BEND6: variants seen among roughly 807,000 people sequenced by gnomAD.
BEND6 encodes the protein BEN domain-containing protein 6.
BEND6 carries 24 observed loss-of-function variants against 31.8 expected under a neutral mutation model. The observed-to-expected ratio is 0.75, with a 90% confidence interval of 0.55 to 1.06. The LOEUF is 1.06. Among genes scored for constraint, BEND6 ranks in the 50% least tolerant of loss-of-function variants. The pLI, the probability that BEND6 is intolerant of heterozygous loss-of-function variation, is 0.00. For missense variants in BEND6, 294 were observed against 327.4 expected, an observed-to-expected ratio of 0.90 and a Z score of 0.79; for synonymous variants, 109 against 114.6, an observed-to-expected ratio of 0.95 and a Z score of 0.31.
At chr6:57,004,599 TC>T in intron 3 of BEND6, 1 of 1,010,104 alleles carries the variant, frequency 9.9e-7, no homozygotes, top group Non-Finnish European at 1.6e-6. Flanking sequence ...AACATCAACC[TC>T]CAGATCAACC....
chr6:56,970,180 A>G (rs1189051768), intron 1 of BEND6, among the ~76,000 whole-genome samples: 2 of 152,028 alleles, frequency 1.3e-5, no homozygotes, highest in Non-Finnish European at 2.9e-5. Context: ...GGCTTATATT[A>G]TTCCTCCAAC....
At position 56,981,769 on chromosome 6, in the gene BEND6, A is replaced by G; in HGVS notation, c.-42A>G. The G allele has an allele frequency of 6.2e-7, 1 of 1,605,674 alleles. No individual in the cohort carries two copies. The highest frequency in any genetic ancestry group is 1.1e-5 in the South Asian group (1 of 89,932). ...AGCATCATCTTCATGGGTATTCCCT[A>G]CTCCTAGGATTTCAGAAAACCTTTG... On this transcript the variant is annotated 5_prime_UTR_variant, in exon 2 of 7. Transcript: ENST00000370746.
intron 3 of BEND6, among the ~76,000 whole-genome samples, chr6:56,995,194 T>C (rs985138403): frequency 4.0e-5 from 6 of 151,688 alleles, no homozygotes. Context: ...TTCCCATTAG[T>C]ATCAAACATA....
At position 56,988,901 on chromosome 6, in the gene BEND6, C is replaced by T. The variant is rs962936637; in HGVS notation, c.121-3477C>T. Among the ~76,000 whole-genome samples the T allele has an allele frequency of 9.2e-5, 14 of 152,090 alleles. No homozygotes were observed. In the East Asian group the frequency reaches 2.3e-3, roughly 25 times the overall value. On this transcript the variant is annotated intron_variant, in intron 2 of 6. Coordinates refer to ENST00000370746, the MANE Select transcript of BEND6 (RefSeq NM_152731.3). ...AAAAAATTAGCTGGGCATGCTGGCGCGTGCCTGAAATCCCAGCTACTCAAG... is the reference window on the plus strand; with the variant it reads ...AAAAAATTAGCTGGGCATGCTGGCGTGTGCCTGAAATCCCAGCTACTCAAG...
intron 1 of BEND6, among the ~76,000 whole-genome samples, chr6:56,969,547 T>C (rs773645103): frequency 1.6e-4 from 24 of 152,330 alleles, no homozygotes; most frequent in Non-Finnish European, 2.5e-4. Flanking sequence ...AACTGATATA[T>C]GTATAAAGCA....
intron 6 of BEND6, among the ~76,000 whole-genome samples, chr6:57,019,614 C>G (rs772033387): frequency 5.9e-5 from 9 of 152,144 alleles, no homozygotes; most frequent in Non-Finnish European, 1.3e-4. Context: ...TACTGACTAC[C>G]ACTCCCATCC....
chr6:57,021,858 G>A (rs1220007568), intron 6 of BEND6, among the ~76,000 whole-genome samples: 1 of 152,130 alleles, frequency 6.6e-6, no homozygotes, highest in Non-Finnish European at 1.5e-5. Flanking sequence ...GGAGAGGGAG[G>A]TGTGATTTAG....
In BEND6 at chr6:56,992,528, C is replaced by G. The variant is rs1826545372; in HGVS notation, c.271C>G (p.Leu91Val). ...LTNTRKENSRLRQSLVMLQVL... is the reference protein window; with the variant it reads ...LTNTRKENSRVRQSLVMLQVL... ...AAACACCCGGAAAGAAAACAGCCGA[C>G]TTCGACAGTCTTTGGTCATGCTTCA... Residue 91 changes from leucine to valine, a missense_variant, in exon 3 of 7, where the codon CTT (leucine) becomes GTT (valine). Leu to Val is a conservative substitution (Grantham distance 32). Transcript: ENST00000370746. 1 of 1,613,440 alleles carries G rather than the reference C, an allele frequency of 6.2e-7. No homozygotes were observed.
At chr6:56,975,640 G>T in intron 1 of BEND6, 2 of 383,990 alleles carry the variant, frequency 5.2e-6, no homozygotes, top group South Asian at 5.1e-5. Context: ...TCATTCTCAT[G>T]AAAACTCTAG....
intron 3 of BEND6, chr6:57,014,022 A>C (rs1353772810): frequency 6.6e-6 from 1 of 152,554 alleles, no homozygotes; most frequent in African/African-American, 2.4e-5. Context: ...TGGAAATGGC[A>C]GGTAAAGATA....
At chr6:56,970,296 G>A (rs1012406955) in intron 1 of BEND6, among the ~76,000 whole-genome samples, 9 of 151,938 alleles carry the variant, frequency 5.9e-5, no homozygotes, top group African/African-American at 2.2e-4. Flanking sequence ...CCAGGTTCAA[G>A]CCATTCTTAT....
Position 57,011,601 on chromosome 6 carries a change from C to A in BEND6, c.299-3532C>A, listed in dbSNP as rs184693305. ...GGCACAGTGGTGCACACCCGTAGAC[C>A]CAGCTACTTGGGAGACTGCGGTGGG... On this transcript the variant is annotated intron_variant, in intron 3 of 6. Transcript: ENST00000370746. Among the ~76,000 whole-genome samples, 25 of 149,846 alleles carry A rather than the reference C, an allele frequency of 1.7e-4. No individual in the cohort carries two copies. In the East Asian group the frequency reaches 4.7e-3, roughly 28 times the overall value.
intron 2 of BEND6, among the ~76,000 whole-genome samples, chr6:56,989,559 TTTACA>T (rs1826414974): frequency 6.6e-6 from 1 of 152,244 alleles, no homozygotes. Flanking sequence ...GTTCTGCCAA[TTTACA>T]TTCCCACCAG....
chr6:56,972,399 C>T (rs1455968021), intron 1 of BEND6, among the ~76,000 whole-genome samples: 3 of 151,970 alleles, frequency 2.0e-5, no homozygotes, highest in Non-Finnish European at 4.4e-5. Context: ...CCAGCCACCG[C>T]ATGTTTCCTT....
intron 3 of BEND6, chr6:57,014,060 T>TTC (rs1218687254): frequency 6.5e-6 from 1 of 153,866 alleles, no homozygotes; most frequent in Non-Finnish European, 1.4e-5. Flanking sequence ...TTGCAATGAG[T>TTC]ATTGGATGAA....
At chr6:57,013,655 G>A (rs931679966) in intron 3 of BEND6, among the ~76,000 whole-genome samples, 2 of 152,172 alleles carry the variant, frequency 1.3e-5, no homozygotes. Flanking sequence ...CTCATGATGA[G>A]TGGCGAAGAT....
At chr6:56,965,664 A>G (rs1825447896) in intron 1 of BEND6, among the ~76,000 whole-genome samples, 1 of 132,404 alleles carries the variant, frequency 7.6e-6, no homozygotes, top group Non-Finnish European at 1.6e-5. Context: ...CCTGTCACAC[A>G]CACAAAAAAA....
chr6:57,014,407 ATTAGACAAGG>A, intron 3 of BEND6: 1 of 1,175,804 alleles, frequency 8.5e-7, no homozygotes, highest in African/African-American at 1.6e-5. Context: ...GAGGAACTGA[ATTAGACAAGG>A]TTCAAGATCT....
At chr6:56,962,337 T>C (rs1825320651) in intron 1 of BEND6, among the ~76,000 whole-genome samples, 1 of 152,202 alleles carries the variant, frequency 6.6e-6, no homozygotes, top group Admixed American at 6.5e-5. Context: ...CCACCATATT[T>C]CCAGGATACT....
Sources: allele counts gnomAD v4.1 joint callset (sites outside exome capture counted in the v4.1 genomes callset), GRCh38; gene constraint gnomAD v4.1.1; transcripts MANE v1.5; gene names NCBI Gene and HGNC (gene_info 2026-07-23, HGNC 2026-07-21).